GRM5: variants seen among roughly 807,000 people sequenced by gnomAD.
GRM5 encodes the protein glutamate metabotropic receptor 5.
Under a neutral mutation model 83.1 loss-of-function variants are expected in GRM5, and 19 were observed. The ratio of observed to expected loss-of-function variants is 0.23; its 90% CI spans 0.16 to 0.34. The LOEUF (loss-of-function observed/expected upper bound fraction) is 0.34. Among genes scored for constraint, GRM5 ranks in the 10% least tolerant of loss-of-function variants. GRM5 has a pLI of 1.00. For missense variants in GRM5, 1,160 were observed against 1,588.3 expected, an observed-to-expected ratio of 0.73 and a Z score of 4.58; for synonymous variants, 675 against 633.6, an observed-to-expected ratio of 1.07 and a Z score of -0.98.
intron 8 of GRM5, among the ~76,000 whole-genome samples, chr11:88,566,162 C>T (rs1942869767): frequency 6.6e-6 from 1 of 152,200 alleles, no homozygotes; most frequent in Non-Finnish European, 1.5e-5. Flanking sequence ...TTTGATTACA[C>T]ATTACACTTC....
At chr11:88,522,178 G>C (rs1326810105) in intron 9 of GRM5, among the ~76,000 whole-genome samples, 1 of 152,162 alleles carries the variant, frequency 6.6e-6, no homozygotes, top group East Asian at 1.9e-4. Context: ...GGAAGCAATA[G>C]GGGGTGGAGT....
intron 2 of GRM5, among the ~76,000 whole-genome samples, chr11:88,890,051 G>C (rs1945115551): frequency 6.6e-6 from 1 of 152,084 alleles, no homozygotes; most frequent in Non-Finnish European, 1.5e-5. Context: ...ACACTTTAAG[G>C]GATGGCAAAT....
intron 4 of GRM5, among the ~76,000 whole-genome samples, chr11:88,632,920 T>C (rs1251522570): frequency 6.6e-6 from 1 of 152,234 alleles, no homozygotes; most frequent in Non-Finnish European, 1.5e-5. Context: ...AAATTTTTGT[T>C]TTCCTAATGA....
rs902552974 is a variant in GRM5, at chr11:88,567,001, C to G, written c.2630+52G>C. 4 of 1,192,422 alleles carry G rather than the reference C, an allele frequency of 3.4e-6. No individual in the cohort carries two copies. Among genetic ancestry groups the G allele is most frequent in the Non-Finnish European group, 4.8e-6 (4 of 833,210 alleles). 73.9% of individuals were successfully genotyped at this position (1,192,422 alleles called of 1,614,324 possible). On this transcript the variant is annotated intron_variant, in intron 8 of 9. Transcript: ENST00000305447. The surrounding 1 kb of genome is among the most constrained non-coding windows in gnomAD (Gnocchi z 7.3). Reference sequence around the variant, plus strand: ...TTTAAAAGACCCAGGAAACACATGCCTCTGCTCCAGTTTTAGGGGCCAGCA... The same window carrying G: ...TTTAAAAGACCCAGGAAACACATGCGTCTGCTCCAGTTTTAGGGGCCAGCA...
intron 2 of GRM5, among the ~76,000 whole-genome samples, chr11:88,954,616 A>G (rs928108466): frequency 2.0e-5 from 3 of 152,234 alleles, no homozygotes; most frequent in African/African-American, 7.2e-5. Flanking sequence ...AGTACTTGAA[A>G]TGTGGCTGGT....
intron 3 of GRM5, among the ~76,000 whole-genome samples, chr11:88,687,159 A>G (rs72956773): frequency 0.048 from 7,345 of 151,938 alleles, 170 homozygotes; most frequent in Middle Eastern, 0.075. Context: ...CAGTAGGAAA[A>G]TCATTCAGAA....
chr11:88,845,455 A>C (rs1944285864), intron 3 of GRM5, among the ~76,000 whole-genome samples: 1 of 58,148 alleles, frequency 1.7e-5, no homozygotes, highest in Non-Finnish European at 3.0e-5. Context: ...TTTTTTTGAG[A>C]CAGAGTCTCG....
rs140219045 is a variant in GRM5, at chr11:88,584,376, C to T, written c.1690+6225G>A. On this transcript the variant is annotated intron_variant, in intron 7 of 9. Coordinates refer to ENST00000305447, the MANE Select transcript of GRM5 (RefSeq NM_001143831.3). ...ACAATATCTACTCTTCACATTGTGA[C>T]TATGTAAATAATATTTATAAAGCAG... Among the ~76,000 whole-genome samples, 45 of 152,074 alleles carry T rather than the reference C, an allele frequency of 3.0e-4. No individual in the cohort carries two copies. The East Asian group carries it at 8.3e-3, about 28-fold the overall frequency.
intron 2 of GRM5, among the ~76,000 whole-genome samples, chr11:89,002,744 C>T (rs1198232979): frequency 6.6e-6 from 1 of 152,022 alleles, no homozygotes; most frequent in East Asian, 1.9e-4. Context: ...CTCATCCTTC[C>T]GTTCAAAACC....
chr11:88,548,185 T>G (rs1213203673), intron 8 of GRM5, among the ~76,000 whole-genome samples: 1 of 152,224 alleles, frequency 6.6e-6, no homozygotes, highest in Non-Finnish European at 1.5e-5. Flanking sequence ...CACAGAATTA[T>G]GCCTGAGGCA....
At chr11:88,837,890 C>T (rs897641435) in intron 3 of GRM5, among the ~76,000 whole-genome samples, 2 of 151,856 alleles carry the variant, frequency 1.3e-5, no homozygotes, top group African/African-American at 4.8e-5. Context: ...GGAGACCATC[C>T]TGGCTAACAC....
chr11:88,948,866 T>C (rs1938365094), intron 2 of GRM5, among the ~76,000 whole-genome samples: 2 of 152,046 alleles, frequency 1.3e-5, no homozygotes, highest in Non-Finnish European at 2.9e-5. Flanking sequence ...AGAAGAGCAA[T>C]TAAAGGCAAG....
At chr11:88,745,817 C>T (rs72966436) in intron 3 of GRM5, among the ~76,000 whole-genome samples, 13,310 of 152,152 alleles carry the variant, frequency 0.087, 674 homozygotes, top group African/African-American at 0.15. Context: ...TCCACCTCAG[C>T]GTTTTTATTC....
At chr11:89,015,837 G>T (rs954425234) in intron 2 of GRM5, among the ~76,000 whole-genome samples, 1 of 152,160 alleles carries the variant, frequency 6.6e-6, no homozygotes, top group Non-Finnish European at 1.5e-5. Context: ...GCAGCACCTG[G>T]CTGTTCTCAC....
intron 2 of GRM5, among the ~76,000 whole-genome samples, chr11:89,041,101 A>G (rs1274539291): frequency 6.6e-6 from 1 of 152,192 alleles, no homozygotes; most frequent in African/African-American, 2.4e-5. Flanking sequence ...TGACATCTGG[A>G]ATAAGAGTGA....
chr11:89,036,191 T>C (rs1730868411), intron 2 of GRM5, among the ~76,000 whole-genome samples: 1 of 152,106 alleles, frequency 6.6e-6, no homozygotes, highest in African/African-American at 2.4e-5. Context: ...CTTGCTCATC[T>C]TACCACAGCA....
chr11:88,720,473 C>G (rs945558956), intron 3 of GRM5, among the ~76,000 whole-genome samples: 3 of 152,044 alleles, frequency 2.0e-5, no homozygotes, highest in African/African-American at 4.8e-5. Flanking sequence ...TGCGAGCCAG[C>G]CTTTTACCTT....
intron 2 of GRM5, among the ~76,000 whole-genome samples, chr11:88,904,390 A>G (rs1487101936): frequency 1.3e-5 from 2 of 152,210 alleles, no homozygotes; most frequent in South Asian, 2.1e-4. Flanking sequence ...TTTCAAAGCC[A>G]TAAGTAACCT....
chr11:89,059,149 G>T (rs902202116), intron 1 of GRM5, among the ~76,000 whole-genome samples: 1 of 151,948 alleles, frequency 6.6e-6, no homozygotes, highest in Non-Finnish European at 1.5e-5. Context: ...AAAACCCATG[G>T]CCTGAACCAG....
Sources: gnomAD v4.1 joint callset for allele counts (sites outside exome capture counted in the v4.1 genomes callset) on GRCh38, gnomAD v4.1.1 for gene constraint, Gnocchi (gnomAD v3.1) non-coding constraint, MANE v1.5 for transcripts, NCBI Gene and HGNC (gene_info 2026-07-23, HGNC 2026-07-21) for gene names.